The following LRRK2 variants were observed in gnomAD, a reference collection of about 807,000 sequenced individuals.
The protein encoded by LRRK2 is leucine-rich repeat serine/threonine-protein kinase 2.
Under a neutral mutation model 302.6 loss-of-function variants are expected in LRRK2, and 203 were observed. That is an observed-to-expected ratio of 0.67 (90% CI 0.60 to 0.75). LRRK2 has a LOEUF of 0.75. LRRK2 is among the 30% of genes least tolerant of loss of function. The probability of loss-of-function intolerance (pLI) is 0.00; values close to 1 mark genes in which losing one functional copy is unlikely to be tolerated. For synonymous variants in LRRK2, 1,066 were observed against 1,031.9 expected (o/e 1.03, Z -0.63); for missense variants, 2,830 against 2,951.0 (o/e 0.96, Z 0.95).
intron 20 of LRRK2, among the ~76,000 whole-genome samples, chr12:40,289,229 T>A (rs2136683531): frequency 6.6e-6 from 1 of 151,894 alleles, no homozygotes; most frequent in Middle Eastern, 3.4e-3. Flanking sequence ...TAGGTATGGT[T>A]CTATTTTAGC....
intron 16 of LRRK2, 66 bp from the exon 17 acceptor site, chr12:40,277,822 C>T: frequency 7.1e-7 from 1 of 1,405,566 alleles, no homozygotes; most frequent in Non-Finnish European, 9.7e-7. Flanking sequence ...ACTCTCTCTG[C>T]TTTATACTGT....
intron 41 of LRRK2, among the ~76,000 whole-genome samples, chr12:40,344,235 T>G (rs1946129562): frequency 6.6e-6 from 1 of 152,182 alleles, no homozygotes; most frequent in African/African-American, 2.4e-5. Flanking sequence ...TTTTCCTGCT[T>G]TAAGAGCCTG....
Position 40,259,563 on chromosome 12 carries a change from A to T in LRRK2, c.1502A>T (p.Gln501Leu). The change falls in exon 13 of 51, where the codon CAG becomes CTG. Residue 501 changes from glutamine to leucine, a missense_variant. This residue lies in a region of LRRK2 where 2,121 missense variants were observed against 2,148.0 expected (regional missense o/e 0.99). Transcript: ENST00000298910. Reference sequence around the variant, plus strand: ...CGTCATGAGACATCATTACCAGTGCAGCTGGAGGCGCTTCGAGCTATTTTA... The same window carrying T: ...CGTCATGAGACATCATTACCAGTGCTGCTGGAGGCGCTTCGAGCTATTTTA... Reference protein sequence around the residue: ...MKRHETSLPVQLEALRAILHF... With the variant: ...MKRHETSLPVLLEALRAILHF... The T allele has an allele frequency of 1.2e-6, 2 of 1,613,392 alleles. No homozygotes were observed. Among genetic ancestry groups the T allele is most frequent in the Non-Finnish European group, 1.7e-6 (2 of 1,179,478 alleles).
Position 40,322,111 on chromosome 12 carries a change from G to T in LRRK2, c.5247G>T (p.Leu1749=), listed in dbSNP as rs374750575. The change falls in exon 36 of 51, where the codon CTG becomes CTT. Residue 1749 remains leucine, a synonymous_variant. Transcript: ENST00000298910. ...ATTGGTCTCCTGAAGCTTATTGTCT[G>T]GTAGGATCTGAAGTCTTAGACAATC... ...YLNWSPEAYC[L]VGSEVLDNHP... 1 of 1,612,838 alleles carries T rather than the reference G, an allele frequency of 6.2e-7. No homozygotes were observed. Among genetic ancestry groups the T allele is most frequent in the African/African-American group, 1.3e-5 (1 of 74,802 alleles).
intron 20 of LRRK2, among the ~76,000 whole-genome samples, chr12:40,288,775 T>G (rs1944029135): frequency 6.6e-6 from 1 of 151,942 alleles, no homozygotes; most frequent in South Asian, 2.1e-4. Flanking sequence ...TTGGGTTGTC[T>G]TATTATATAA....
At position 40,335,169 on chromosome 12, in the gene LRRK2, A is replaced by G. The variant is rs1592305041; in HGVS notation, c.5948+12A>G. ...GCTGATGGTTTGAGGTAAGTAGGTC[A>G]TGTTGTTTTCTATTCAGTGCATGAC... On this transcript the variant is annotated intron_variant, in intron 40 of 50. Coordinates refer to ENST00000298910, the MANE Select transcript of LRRK2 (RefSeq NM_198578.4). 1 of 1,613,844 alleles carries G rather than the reference A, an allele frequency of 6.2e-7. No individual in the cohort carries two copies. Among genetic ancestry groups the G allele is most frequent in the South Asian group, 1.1e-5 (1 of 91,050 alleles).
chr12:40,329,554 T>A (rs1364545152), intron 39 of LRRK2, among the ~76,000 whole-genome samples: 1 of 152,172 alleles, frequency 6.6e-6, no homozygotes, highest in Non-Finnish European at 1.5e-5. Flanking sequence ...TTTTTATTTG[T>A]ACAGAACCAA....
intron 35 of LRRK2, among the ~76,000 whole-genome samples, chr12:40,321,502 C>T (rs1419968767): frequency 9.8e-6 from 1 of 102,196 alleles, no homozygotes; most frequent in Non-Finnish European, 2.1e-5. Context: ...GCCACTAAGA[C>T]ATTTACAAAA....
Position 40,225,182 on chromosome 12 carries a change from G to A in LRRK2, c.51G>A (p.Lys17=), listed in dbSNP as rs760489048. ...QGCEEDEETL[K]KLIVRLNNVQ... ...GCGAAGAGGACGAGGAAACTCTGAA[G>A]AAGTTGATAGTCAGGCTGAACAATG... The change falls in exon 1 of 51, where the codon AAG becomes AAA. Residue 17 remains lysine, a synonymous_variant. Coordinates refer to ENST00000298910, the MANE Select transcript of LRRK2 (RefSeq NM_198578.4). 6.2e-7 allele frequency: 1 copy of A among 1,614,110 alleles called. No homozygotes were observed. The highest frequency in any genetic ancestry group is 8.5e-7 in the Non-Finnish European group (1 of 1,180,032).
chr12:40,293,723 A>C, intron 21 of LRRK2, 60 bp downstream of exon 21: 7 of 1,141,002 alleles, frequency 6.1e-6, no homozygotes, highest in Non-Finnish European at 9.3e-6. Context: ...TCTCTTGATA[A>C]CTAAAATTTA....
chr12:40,330,091 GTTTC>G (rs1945671314), intron 39 of LRRK2, among the ~76,000 whole-genome samples: 1 of 152,128 alleles, frequency 6.6e-6, no homozygotes, highest in Non-Finnish European at 1.5e-5. Flanking sequence ...CTATGAGTTA[GTTTC>G]CTCGCCCTCT....
intron 4 of LRRK2, 66 bp downstream of exon 4, chr12:40,235,780 T>C (rs1374670988): frequency 3.0e-6 from 2 of 677,068 alleles, no homozygotes; most frequent in Non-Finnish European, 4.7e-6. Flanking sequence ...ATTAAGTAAA[T>C]GTGTGTGTGT....
In LRRK2 at chr12:40,295,628, C is replaced by T. The variant is rs2136721244; in HGVS notation, c.3080C>T (p.Pro1027Leu). 1.2e-6 allele frequency: 2 copies of T among 1,613,764 alleles called. No individual in the cohort carries two copies. The highest frequency in any genetic ancestry group is 1.7e-6 in the Non-Finnish European group (2 of 1,179,834). Reference sequence around the variant, plus strand: ...CACCAGAATGCACTCACGAGCTTTCCACAACAGCTATGTGAAGTAAATTTA... The same window carrying T: ...CACCAGAATGCACTCACGAGCTTTCTACAACAGCTATGTGAAGTAAATTTA... ...ELHQNALTSFPQQLCETLKSL... is the reference protein window; with the variant it reads ...ELHQNALTSFLQQLCETLKSL... The change falls in exon 23 of 51, where the codon CCA becomes CTA. Residue 1027 changes from proline to leucine, a missense_variant. Pro to Leu is a moderately conservative substitution (Grantham distance 98). This residue lies in a region of LRRK2 where 2,121 missense variants were observed against 2,148.0 expected (regional missense o/e 0.99). Transcript: ENST00000298910.
At chr12:40,262,881 G>A (rs1942838366) in intron 13 of LRRK2, among the ~76,000 whole-genome samples, 1 of 152,136 alleles carries the variant, frequency 6.6e-6, no homozygotes, top group Non-Finnish European at 1.5e-5. Flanking sequence ...CAGACCACAC[G>A]GCAAGAGGTG....
At chr12:40,317,114 C>T (rs1378036947) in intron 33 of LRRK2, among the ~76,000 whole-genome samples, 3 of 152,012 alleles carry the variant, frequency 2.0e-5, no homozygotes, top group African/African-American at 7.2e-5. Context: ...CCTGAAGATT[C>T]TGTGGAGTAA....
At chr12:40,278,722 G>A (rs562104350) in intron 18 of LRRK2, among the ~76,000 whole-genome samples, 122 of 152,264 alleles carry the variant, frequency 8.0e-4, no homozygotes, top group African/African-American at 2.8e-3. Context: ...GACATGAGTT[G>A]CTGTTGGCCA....
At chr12:40,282,971 G>A (rs1284710180) in intron 18 of LRRK2, among the ~76,000 whole-genome samples, 1 of 152,000 alleles carries the variant, frequency 6.6e-6, no homozygotes, top group Non-Finnish European at 1.5e-5. Flanking sequence ...AGCTGTAAGG[G>A]ACAAATTATA....
chr12:40,319,743 A>T (rs1945340449), intron 33 of LRRK2, among the ~76,000 whole-genome samples: 1 of 151,882 alleles, frequency 6.6e-6, no homozygotes, highest in Non-Finnish European at 1.5e-5. Context: ...GTTTCAGTGA[A>T]GTTCAATGAT....
chr12:40,238,853 T>C (rs1941592983), intron 5 of LRRK2, among the ~76,000 whole-genome samples: 1 of 152,202 alleles, frequency 6.6e-6, no homozygotes, highest in South Asian at 2.1e-4. Context: ...AACTGTTGAA[T>C]TCCCTGTCTC....
Sources: allele counts gnomAD v4.1 joint callset (sites outside exome capture counted in the v4.1 genomes callset), GRCh38; gene constraint gnomAD v4.1.1; regional missense constraint gnomAD v4.1.1; transcripts MANE v1.5; gene names NCBI Gene and HGNC (gene_info 2026-07-23, HGNC 2026-07-21).